SOX5: variants seen among roughly 807,000 people sequenced by gnomAD.
SOX5 encodes SRY-box transcription factor 5.
In SOX5, 9 loss-of-function variants were observed where a neutral mutation model predicts 92.0. The ratio of observed to expected loss-of-function variants is 0.10; its 90% CI spans 0.06 to 0.17. The LOEUF (loss-of-function observed/expected upper bound fraction) is 0.17. Ranked by LOEUF, SOX5 falls within the 10% of genes least tolerant of loss-of-function variation. SOX5 has a pLI of 1.00. For missense variants in SOX5, 642 were observed against 944.5 expected (o/e 0.68, Z 4.20); for synonymous variants, 344 against 336.3 (o/e 1.02, Z -0.25).
intron 2 of SOX5, among the ~76,000 whole-genome samples, chr12:24,325,570 AC>A (rs1950602291): frequency 6.6e-6 from 1 of 152,192 alleles, no homozygotes; most frequent in Non-Finnish European, 1.5e-5. Flanking sequence ...GAACCGAGCC[AC>A]CCAAAAGCAT....
rs74071313 is a variant in SOX5, at chr12:23,604,186, C to T, written c.1164+201G>A. The T allele has an allele frequency of 3.2e-3, 1,766 of 553,512 alleles. 18 individuals are homozygous for T. The highest frequency in any genetic ancestry group is 0.029 in the African/African-American group (1,518 of 53,084). The allele number at this position is 553,512 out of a possible 1,614,324, so 34.3% of individuals were successfully genotyped here. On this transcript the variant is annotated intron_variant, in intron 9 of 14. Coordinates refer to ENST00000451604, the MANE Select transcript of SOX5 (RefSeq NM_006940.6). ...ATTTTCTACTATAGTTATCGATACA[C>T]GCATATTGAATAAATGAATAAATGA...
intron 1 of SOX5, among the ~76,000 whole-genome samples, chr12:24,507,738 T>C (rs930620821): frequency 2.0e-4 from 30 of 152,006 alleles, no homozygotes; most frequent in Middle Eastern, 6.3e-3. Flanking sequence ...GAAAGAGGGG[T>C]GAAATTGTAT....
intron 2 of SOX5, among the ~76,000 whole-genome samples, chr12:24,327,665 A>C: frequency 6.6e-6 from 1 of 150,872 alleles, no homozygotes. Context: ...CTCACTGCAA[A>C]CTCTGCCTCC....
chr12:24,243,515 C>G (rs1329652851), intron 3 of SOX5, among the ~76,000 whole-genome samples: 1 of 152,104 alleles, frequency 6.6e-6, no homozygotes, highest in Non-Finnish European at 1.5e-5. Flanking sequence ...AGATGCTATT[C>G]CAAATATAAA....
intron 8 of SOX5, among the ~76,000 whole-genome samples, chr12:23,637,015 A>G (rs186488096): frequency 1.3e-5 from 2 of 152,350 alleles, no homozygotes; most frequent in East Asian, 3.9e-4. Flanking sequence ...TTAAGAAAAT[A>G]TTCCATAACC....
chr12:24,431,237 C>T lies in SOX5; in HGVS notation c.-250-62598G>A, dbSNP rs146190700. ...GCGATAAAACTCAGGTTCAAACTCA[C>T]ACCCTTCTGACTATGATGCATGGAT... On this transcript the variant is annotated intron_variant, in intron 1 of 4. Transcript: ENST00000446891. Among the ~76,000 whole-genome samples the T allele has an allele frequency of 9.7e-3, 1,480 of 152,232 alleles. 24 individuals are homozygous for T. The highest frequency in any genetic ancestry group is 0.034 in the African/African-American group (1,403 of 41,522).
At chr12:24,504,530 C>T (rs1366643671) in intron 1 of SOX5, among the ~76,000 whole-genome samples, 1 of 152,130 alleles carries the variant, frequency 6.6e-6, no homozygotes, top group Non-Finnish European at 1.5e-5. Context: ...CACAAGCATG[C>T]CACCATTTCT....
intron 9 of SOX5, among the ~76,000 whole-genome samples, chr12:23,586,044 T>G (rs1007197463): frequency 6.6e-6 from 1 of 151,964 alleles, no homozygotes; most frequent in African/African-American, 2.4e-5. Flanking sequence ...AACCCAGAAA[T>G]CCGCTTGAAC....
intron 1 of SOX5, among the ~76,000 whole-genome samples, chr12:24,408,260 A>T (rs999871923): frequency 8.5e-5 from 13 of 152,332 alleles, no homozygotes; most frequent in Admixed American, 3.3e-4. Flanking sequence ...CTTTACAGAA[A>T]ATGTGATGCT....
intron 4 of SOX5, among the ~76,000 whole-genome samples, chr12:24,044,262 C>G (rs1027748090): frequency 6.7e-6 from 1 of 149,906 alleles, no homozygotes. Context: ...AATGCCTCAG[C>G]GGAGAAGCTT....
At chr12:23,565,090 A>C (rs989538515) in intron 10 of SOX5, among the ~76,000 whole-genome samples, 1 of 152,146 alleles carries the variant, frequency 6.6e-6, no homozygotes, top group African/African-American at 2.4e-5. Context: ...TCAGAGCTAA[A>C]TTCATTGGAA....
chr12:23,991,078 G>T (rs1397124295), intron 4 of SOX5, among the ~76,000 whole-genome samples: 15 of 151,900 alleles, frequency 9.9e-5, no homozygotes, highest in Middle Eastern at 3.4e-3. Context: ...ATAAGGCTGG[G>T]TATGGTGTCT....
chr12:24,431,173 C>A (rs561505302), intron 1 of SOX5, among the ~76,000 whole-genome samples: 1 of 152,138 alleles, frequency 6.6e-6, no homozygotes, highest in East Asian at 1.9e-4. Context: ...TGAGGCTCAG[C>A]GAGATTAAGG....
intron 3 of SOX5, among the ~76,000 whole-genome samples, chr12:23,778,044 G>A (rs1276444419): frequency 6.6e-6 from 1 of 152,184 alleles, no homozygotes; most frequent in African/African-American, 2.4e-5. Context: ...TGTTGCAGTG[G>A]TTTGATGGAC....
At chr12:23,848,222 A>G (rs775994918) in intron 2 of SOX5, among the ~76,000 whole-genome samples, 2 of 152,158 alleles carry the variant, frequency 1.3e-5, no homozygotes, top group African/African-American at 4.8e-5. Flanking sequence ...CTGACCTTTA[A>G]TTGCCATAAT....
intron 1 of SOX5, among the ~76,000 whole-genome samples, chr12:24,434,628 C>G (rs958087006): frequency 2.0e-5 from 3 of 152,138 alleles, no homozygotes; most frequent in African/African-American, 4.8e-5. Flanking sequence ...CAGTTTAACA[C>G]CATTCACCCT....
intron 3 of SOX5, among the ~76,000 whole-genome samples, chr12:23,820,945 T>G (rs901498062): frequency 3.9e-5 from 6 of 152,214 alleles, no homozygotes; most frequent in Non-Finnish European, 5.9e-5. Flanking sequence ...AGTAGTTTTT[T>G]TCTAATTCTG....
intron 3 of SOX5, among the ~76,000 whole-genome samples, chr12:23,779,803 ATAT>A (rs925363416): frequency 9.9e-6 from 1 of 100,686 alleles, no homozygotes; most frequent in African/African-American, 4.9e-5. Flanking sequence ...ATATATATAT[ATAT>A]ATATATATAC....
intron 2 of SOX5, among the ~76,000 whole-genome samples, chr12:23,855,442 C>T (rs1466832641): frequency 6.6e-6 from 1 of 151,920 alleles, no homozygotes; most frequent in Non-Finnish European, 1.5e-5. Context: ...TCAGTTACTA[C>T]TCATTATGAA....
Sources: gnomAD v4.1 joint callset for allele counts (sites outside exome capture counted in the v4.1 genomes callset) on GRCh38, gnomAD v4.1.1 for gene constraint, MANE v1.5 for transcripts, NCBI Gene and HGNC (gene_info 2026-07-23, HGNC 2026-07-21) for gene names.